IL21R: variants seen among roughly 807,000 people sequenced by gnomAD.
The protein encoded by IL21R is interleukin-21 receptor.
IL21R carries 14 observed loss-of-function variants against 41.3 expected under a neutral mutation model. The ratio of observed to expected loss-of-function variants is 0.34; its 90% CI spans 0.22 to 0.53. The LOEUF is 0.53. Among genes scored for constraint, IL21R ranks in the 20% least tolerant of loss-of-function variants. IL21R has a pLI of 0.94. For synonymous variants in IL21R, 286 were observed against 287.6 expected (o/e 0.99, Z 0.05); for missense variants, 588 against 681.6 (o/e 0.86, Z 1.53).
chr16:27,435,231 G>A (rs1596586865), intron 3 of IL21R, among the ~76,000 whole-genome samples: 1 of 151,774 alleles, frequency 6.6e-6, no homozygotes, highest in African/African-American at 2.4e-5. Flanking sequence ...CTCCAGCCTG[G>A]GCAAAAAAGC....
intron 4 of IL21R, among the ~76,000 whole-genome samples, chr16:27,439,385 T>C (rs551731239): frequency 6.0e-5 from 9 of 149,994 alleles, no homozygotes; most frequent in Admixed American, 1.3e-4. Flanking sequence ...CACACACACG[T>C]ACACAATACA....
At position 27,420,941 on chromosome 16, in the gene IL21R, C is replaced by G. The variant is rs138293138; in HGVS notation, c.-16-9115C>G. Among the ~76,000 whole-genome samples, 554 of 152,236 alleles carry G rather than the reference C, an allele frequency of 3.6e-3. 2 individuals are homozygous for G. Among genetic ancestry groups the G allele is most frequent in the African/African-American group, 0.013 (529 of 41,562 alleles). On this transcript the variant is annotated intron_variant, in intron 1 of 8. Coordinates refer to ENST00000337929, the MANE Select transcript of IL21R (RefSeq NM_181078.3). ...TTATTCTAAGAGTTTAATAGTTTTA[C>G]TTTTTACATCTAGTCTTTAATCTAT...
At chr16:27,434,621 G>A (rs906281239) in intron 3 of IL21R, among the ~76,000 whole-genome samples, 172 bp downstream of exon 3, 1 of 152,124 alleles carries the variant, frequency 6.6e-6, no homozygotes, top group Non-Finnish European at 1.5e-5. Context: ...CTATCCACCA[G>A]CTTCAAAGGC....
intron 1 of IL21R, among the ~76,000 whole-genome samples, chr16:27,412,441 T>G (rs1298193808): frequency 6.6e-6 from 1 of 151,966 alleles, no homozygotes; most frequent in East Asian, 1.9e-4. Flanking sequence ...TAGAGTGTTC[T>G]TCTTTCTCAA....
intron 8 of IL21R, among the ~76,000 whole-genome samples, chr16:27,447,288 AC>A (rs573147349): frequency 1.2e-3 from 183 of 152,252 alleles, no homozygotes; most frequent in Non-Finnish European, 2.1e-3. Context: ...TTTAATCCTC[AC>A]GACGGCCCTA....
At chr16:27,448,311 C>G (rs905362524) in intron 8 of IL21R, 6 of 522,870 alleles carry the variant, frequency 1.1e-5, no homozygotes, top group Non-Finnish European at 2.0e-5. Context: ...AAAAATTAGC[C>G]GGGTGTGGTG....
intron 8 of IL21R, among the ~76,000 whole-genome samples, chr16:27,446,754 G>A (rs3093379): frequency 0.34 from 52,224 of 151,810 alleles, 9,551 homozygotes; most frequent in African/African-American, 0.48. Flanking sequence ...GAGGGAATAG[G>A]TTCTGGAAAG....
At position 27,449,342 on chromosome 16, in the gene IL21R, G is replaced by A; in HGVS notation, c.*59G>A. 6.6e-7 allele frequency: 1 copy of A among 1,508,530 alleles called. No homozygotes were observed. Among genetic ancestry groups the A allele is most frequent in the Non-Finnish European group, 8.8e-7 (1 of 1,130,920 alleles). The allele number at this position is 1,508,530 out of a possible 1,614,324, so 93.4% of individuals were successfully genotyped here. The stretch of plus-strand genomic sequence containing the variant: ...CACTGGGCCCTGAGCCAGAGACAAG[G>A]TCACCTGGGCTGTGATGTGAAGACA... On this transcript the variant is annotated 3_prime_UTR_variant, in exon 9 of 9. Coordinates refer to ENST00000337929, the MANE Select transcript of IL21R (RefSeq NM_181078.3).
chr16:27,437,318 T>A (rs1016605520), intron 3 of IL21R, among the ~76,000 whole-genome samples, 170 bp from the exon 4 acceptor site: 12 of 152,080 alleles, frequency 7.9e-5, no homozygotes, highest in Non-Finnish European at 5.9e-5. Flanking sequence ...GGGGAGGTGA[T>A]ACCTTCCCTG....
chr16:27,441,508 G>A (rs2087388377), intron 4 of IL21R, among the ~76,000 whole-genome samples: 1 of 152,218 alleles, frequency 6.6e-6, no homozygotes, highest in African/African-American at 2.4e-5. Flanking sequence ...CCACTGTGGG[G>A]TGTCAAACTG....
At chr16:27,435,777 CT>C (rs1474817868) in intron 3 of IL21R, among the ~76,000 whole-genome samples, 17 of 147,536 alleles carry the variant, frequency 1.2e-4, no homozygotes, top group East Asian at 6.2e-4. Flanking sequence ...TTCTTTCTTT[CT>C]TTTTTTTGGA....
At chr16:27,432,781 T>G (rs1162969291) in intron 2 of IL21R, among the ~76,000 whole-genome samples, 1 of 152,164 alleles carries the variant, frequency 6.6e-6, no homozygotes, top group South Asian at 2.1e-4. Flanking sequence ...AAGATTTACT[T>G]CCATGACTCA....
intron 4 of IL21R, among the ~76,000 whole-genome samples, chr16:27,440,275 A>AGAGAGAGAGAGC (rs1555498060): frequency 2.9e-5 from 4 of 140,318 alleles, no homozygotes; most frequent in Non-Finnish European, 6.1e-5. Flanking sequence ...AGAGAGAGAG[A>AGAGAGAGAGAGC]GAGAGCGAGC....
chr16:27,427,386 G>T (rs1195750667), intron 1 of IL21R: 1 of 928,396 alleles, frequency 1.1e-6, no homozygotes, highest in African/African-American at 1.8e-5. Context: ...GGGATGAGGA[G>T]TTTTTTGTTT....
In IL21R at chr16:27,405,982, C is replaced by T. The variant is rs1018829763; in HGVS notation, c.-17+3364C>T. Among the ~76,000 whole-genome samples, 10 of 152,384 alleles carry T rather than the reference C, an allele frequency of 6.6e-5. No homozygotes were observed. The East Asian group carries it at 1.7e-3, about 26-fold the overall frequency. ...TCCCCGGGGAGTTGGGGCAAGTGCACCAGCCCGGGTCCTAGCCCAGGCCCC... is the reference window on the plus strand; with the variant it reads ...TCCCCGGGGAGTTGGGGCAAGTGCATCAGCCCGGGTCCTAGCCCAGGCCCC... On this transcript the variant is annotated intron_variant, in intron 1 of 8. Transcript: ENST00000337929.
intron 8 of IL21R, 77 bp downstream of exon 8, chr16:27,446,165 C>T: frequency 4.2e-6 from 5 of 1,193,974 alleles, no homozygotes; most frequent in Non-Finnish European, 6.0e-6. Context: ...TCACCCCAGG[C>T]TCCCCAGCCT....
chr16:27,410,505 T>C (rs975238066), intron 1 of IL21R, among the ~76,000 whole-genome samples: 8 of 152,158 alleles, frequency 5.3e-5, no homozygotes, highest in Non-Finnish European at 1.0e-4. Context: ...AAAGCTAAAG[T>C]TCCAGATGTT....
intron 8 of IL21R, among the ~76,000 whole-genome samples, chr16:27,447,311 T>C (rs967847612): frequency 1.3e-5 from 2 of 151,826 alleles, no homozygotes; most frequent in African/African-American, 4.8e-5. Context: ...GGGTGGGTGC[T>C]ATTATTAGGT....
chr16:27,439,834 T>G (rs1484356225), intron 4 of IL21R, among the ~76,000 whole-genome samples: 1 of 152,042 alleles, frequency 6.6e-6, no homozygotes, highest in African/African-American at 2.4e-5. Flanking sequence ...GGTCCCTTCC[T>G]CCTCCTGGGC....
Sources: gnomAD v4.1 joint callset for allele counts (sites outside exome capture counted in the v4.1 genomes callset) on GRCh38, gnomAD v4.1.1 for gene constraint, MANE v1.5 for transcripts, NCBI Gene and HGNC (gene_info 2026-07-23, HGNC 2026-07-21) for gene names.